Variants in SERGEF observed in about 807,000 individuals in gnomAD.
SERGEF encodes secretion regulating guanine nucleotide exchange factor.
A neutral mutation model predicts 50.0 loss-of-function variants in SERGEF; 51 were observed. That is an observed-to-expected ratio of 1.02 (90% confidence interval 0.81 to 1.29). The LOEUF (loss-of-function observed/expected upper bound fraction) is 1.29. SERGEF is among the 50% of genes most tolerant of loss of function. The pLI is 0.00. For missense variants in SERGEF, 521 were observed against 557.0 expected (o/e 0.94, Z 0.65); for synonymous variants, 205 against 212.4 (o/e 0.97, Z 0.30).
chr11:17,968,885 G>A (rs955098283), intron 8 of SERGEF, among the ~76,000 whole-genome samples: 2 of 151,996 alleles, frequency 1.3e-5, no homozygotes, highest in African/African-American at 4.8e-5. Flanking sequence ...GGAGGCCCAG[G>A]ACCAGTGTCC....
chr11:17,847,822 C>T (rs376419690), intron 10 of SERGEF, among the ~76,000 whole-genome samples: 205 of 152,210 alleles, frequency 1.3e-3, no homozygotes, highest in Non-Finnish European at 2.3e-3. Flanking sequence ...GGTCCTTATC[C>T]GGGAGACTGG....
At position 17,803,228 on chromosome 11, in the gene SERGEF, G is replaced by T. The variant is rs954695934; in HGVS notation, c.1049-14815C>A. Among the ~76,000 whole-genome samples, 4 of 152,376 alleles carry T rather than the reference G, an allele frequency of 2.6e-5. No homozygotes were observed. In the South Asian group the frequency reaches 6.2e-4, roughly 24 times the overall value. ...GCAGCCTCAGTTATGGAGGAAGGGA[G>T]TTATCAGAGCTAGAGGTTGAACAGA... is the stretch of plus-strand genomic sequence containing the variant. On this transcript the variant is annotated intron_variant, in intron 10 of 10. Coordinates refer to ENST00000265965, the MANE Select transcript of SERGEF (RefSeq NM_012139.4).
At chr11:17,892,622 T>C (rs1248811814) in intron 9 of SERGEF, among the ~76,000 whole-genome samples, 2 of 152,240 alleles carry the variant, frequency 1.3e-5, no homozygotes, top group Non-Finnish European at 2.9e-5. Flanking sequence ...GTAACATTAC[T>C]GTGGCGATAG....
intron 7 of SERGEF, among the ~76,000 whole-genome samples, 161 bp from the exon 8 acceptor site, chr11:17,988,916 T>A (rs1379329473): frequency 6.6e-6 from 1 of 152,226 alleles, no homozygotes; most frequent in Non-Finnish European, 1.5e-5. Context: ...GTGTACACCA[T>A]AATAACTTAT....
At chr11:17,860,367 T>C (rs557463560) in intron 10 of SERGEF, among the ~76,000 whole-genome samples, 2 of 152,310 alleles carry the variant, frequency 1.3e-5, no homozygotes, top group South Asian at 4.2e-4. Flanking sequence ...GACTAATGAC[T>C]TAACTACACG....
chr11:17,878,721 C>T (rs987667872), intron 9 of SERGEF, among the ~76,000 whole-genome samples: 1 of 152,188 alleles, frequency 6.6e-6, no homozygotes, highest in Non-Finnish European at 1.5e-5. Flanking sequence ...CATCTGTCCA[C>T]TCTCCCTTTC....
chr11:17,872,671 A>C (rs1024862424), intron 10 of SERGEF, among the ~76,000 whole-genome samples: 10 of 152,250 alleles, frequency 6.6e-5, no homozygotes, highest in African/African-American at 2.4e-4. Flanking sequence ...ACATGAAATA[A>C]CATACATAGA....
chr11:17,946,761 T>C (rs1175156647), intron 9 of SERGEF, among the ~76,000 whole-genome samples: 1 of 152,226 alleles, frequency 6.6e-6, no homozygotes, highest in Non-Finnish European at 1.5e-5. Context: ...TTGAAAAAGA[T>C]GCCTATATTT....
chr11:17,937,259 T>C lies in SERGEF; in HGVS notation c.1011+22211A>G, dbSNP rs565284242. 3.3e-5 allele frequency among the ~76,000 whole-genome samples: 5 copies of C among 152,292 alleles called. No individual in the cohort carries two copies. The South Asian group carries it at 1.0e-3, about 32-fold the overall frequency. ...AAAATGTACTACAATGGGCCGGGCATGGTGGCTCACGCCTATAATCCCAAC... is the reference window on the plus strand; with the variant it reads ...AAAATGTACTACAATGGGCCGGGCACGGTGGCTCACGCCTATAATCCCAAC... On this transcript the variant is annotated intron_variant, in intron 9 of 10. Transcript: ENST00000265965.
chr11:17,948,906 A>G (rs1033061113), intron 9 of SERGEF, among the ~76,000 whole-genome samples: 1 of 152,256 alleles, frequency 6.6e-6, no homozygotes, highest in African/African-American at 2.4e-5. Context: ...GGATGACACC[A>G]GACATCCAGT....
chr11:17,931,135 G>A (rs1357948874), intron 9 of SERGEF, among the ~76,000 whole-genome samples: 2 of 151,934 alleles, frequency 1.3e-5, no homozygotes, highest in African/African-American at 2.4e-5. Flanking sequence ...TGTATTTCAG[G>A]TATTCTTTCT....
At chr11:17,969,236 C>T (rs962954292) in intron 8 of SERGEF, among the ~76,000 whole-genome samples, 4 of 152,160 alleles carry the variant, frequency 2.6e-5, no homozygotes, top group Admixed American at 6.6e-5. Flanking sequence ...CTGCTAGTTA[C>T]ACCTAGAAGC....
intron 1 of SERGEF, among the ~76,000 whole-genome samples, chr11:18,008,793 C>T (rs897185352): frequency 2.0e-5 from 3 of 151,812 alleles, no homozygotes; most frequent in African/African-American, 7.3e-5. Context: ...CACTGCTTTC[C>T]CTAGCTGAAC....
At chr11:17,978,278 T>TA (rs879878729) in intron 8 of SERGEF, among the ~76,000 whole-genome samples, 161 of 145,618 alleles carry the variant, frequency 1.1e-3, no homozygotes, top group Middle Eastern at 7.3e-3. Context: ...CCTTGGAAAT[T>TA]AAAAAAAAAA....
At chr11:17,968,186 T>G (rs1853167137) in intron 8 of SERGEF, among the ~76,000 whole-genome samples, 5 of 152,234 alleles carry the variant, frequency 3.3e-5, no homozygotes, top group Admixed American at 3.3e-4. Flanking sequence ...GTTCAGTGTT[T>G]GTTGAACAGT....
chr11:17,905,727 T>C (rs1486797628), intron 9 of SERGEF, among the ~76,000 whole-genome samples: 1 of 152,114 alleles, frequency 6.6e-6, no homozygotes, highest in African/African-American at 2.4e-5. Flanking sequence ...AGTGCACAAA[T>C]GGGAACTGTG....
chr11:17,944,142 T>C lies in SERGEF; in HGVS notation c.1011+15328A>G, dbSNP rs377042514. On this transcript the variant is annotated intron_variant, in intron 9 of 10. Transcript: ENST00000265965. ...CGGGGTTTCGTCGTGTTAGCCAGGA[T>C]GGTCTCCATCTCCTGACCTCATGAT... Among the ~76,000 whole-genome samples, 70 of 152,272 alleles carry C rather than the reference T, an allele frequency of 4.6e-4. No individual in the cohort carries two copies. The East Asian group carries it at 7.2e-3, about 16-fold the overall frequency.
intron 9 of SERGEF, among the ~76,000 whole-genome samples, chr11:17,890,829 T>G (rs1851519088): frequency 6.6e-6 from 1 of 152,122 alleles, no homozygotes; most frequent in African/African-American, 2.4e-5. Flanking sequence ...TAACATCTTG[T>G]GTCAGAGAGC....
chr11:17,990,167 T>C (rs1590236798), intron 7 of SERGEF, among the ~76,000 whole-genome samples: 1 of 152,262 alleles, frequency 6.6e-6, no homozygotes, highest in East Asian at 1.9e-4. Context: ...TGACAGAAAG[T>C]CAAACAGTAT....
Sources: allele counts gnomAD v4.1 joint callset (sites outside exome capture counted in the v4.1 genomes callset), GRCh38; gene constraint gnomAD v4.1.1; transcripts MANE v1.5; gene names NCBI Gene and HGNC (gene_info 2026-07-23, HGNC 2026-07-21).